The following HSD17B12 variants were observed in gnomAD, a reference collection of about 807,000 sequenced individuals.
HSD17B12 encodes hydroxysteroid 17-beta dehydrogenase 12, also known as very-long-chain 3-oxoacyl-CoA reductase.
Under a neutral mutation model 39.3 loss-of-function variants are expected in HSD17B12, and 32 were observed. The observed-to-expected ratio is 0.81, with a 90% CI of 0.61 to 1.09. HSD17B12 has a LOEUF of 1.09. Among genes scored for constraint, HSD17B12 ranks in the 50% least tolerant of loss-of-function variants. The pLI, the probability that HSD17B12 is intolerant of heterozygous loss-of-function variation, is 0.00. For missense variants in HSD17B12, 342 were observed against 382.9 expected (o/e 0.89, Z 0.89); for synonymous variants, 150 against 146.7 (o/e 1.02, Z -0.16).
chr11:43,769,442 C>A (rs1222894324), intron 3 of HSD17B12, among the ~76,000 whole-genome samples: 1 of 152,150 alleles, frequency 6.6e-6, no homozygotes, highest in Non-Finnish European at 1.5e-5. Context: ...TATGAGGACA[C>A]TGAGACCTGG....
chr11:43,708,078 A>G (rs1408218541), intron 1 of HSD17B12, among the ~76,000 whole-genome samples: 2 of 152,200 alleles, frequency 1.3e-5, no homozygotes, highest in African/African-American at 4.8e-5. Context: ...ATACCATCAC[A>G]TTGGAGATTT....
the HSD17B12 span, among the ~76,000 whole-genome samples, chr11:43,643,125 A>G: frequency 6.6e-6 from 1 of 152,208 alleles, no homozygotes; most frequent in South Asian, 2.1e-4. Context: ...TTTGGATGTG[A>G]GAAAAATAGC....
intron 3 of HSD17B12, among the ~76,000 whole-genome samples, chr11:43,777,986 A>G (rs888025280): frequency 1.3e-5 from 2 of 152,214 alleles, no homozygotes; most frequent in Admixed American, 1.3e-4. Context: ...TTAAAATCAG[A>G]GCAGAACTGA....
chr11:43,636,369 C>A, the HSD17B12 span, among the ~76,000 whole-genome samples: 3 of 152,030 alleles, frequency 2.0e-5, no homozygotes, highest in Non-Finnish European at 4.4e-5. Context: ...AAAGGACAAG[C>A]GAATCCAGAG....
At chr11:43,791,482 A>C (rs1355169708) in intron 3 of HSD17B12, among the ~76,000 whole-genome samples, 1 of 151,978 alleles carries the variant, frequency 6.6e-6, no homozygotes, top group Non-Finnish European at 1.5e-5. Flanking sequence ...CAGTGAGCTG[A>C]GATCACACTA....
intron 1 of HSD17B12, among the ~76,000 whole-genome samples, chr11:43,719,995 A>G (rs1950162069): frequency 6.6e-6 from 1 of 152,240 alleles, no homozygotes; most frequent in Non-Finnish European, 1.5e-5. Flanking sequence ...CCTTTCCAGG[A>G]CAGAACTGTC....
intron 1 of HSD17B12, among the ~76,000 whole-genome samples, chr11:43,702,758 TG>T (rs1949976711): frequency 6.6e-6 from 1 of 152,228 alleles, no homozygotes; most frequent in South Asian, 2.1e-4. Context: ...GGCTTTGAAT[TG>T]TGGCCCAACA....
chr11:43,609,225 C>T, the HSD17B12 span, among the ~76,000 whole-genome samples: 107 of 151,774 alleles, frequency 7.0e-4, no homozygotes, highest in African/African-American at 2.5e-3. Flanking sequence ...CAGGCATGAG[C>T]CACCACACCC....
At chr11:43,621,417 A>G in the HSD17B12 span, among the ~76,000 whole-genome samples, 7 of 152,258 alleles carry the variant, frequency 4.6e-5, no homozygotes, top group African/African-American at 1.7e-4. Context: ...TATATCCCTT[A>G]TAAAGAAATA....
chr11:43,582,894 A>G, the HSD17B12 span, among the ~76,000 whole-genome samples: 1 of 152,214 alleles, frequency 6.6e-6, no homozygotes, highest in Non-Finnish European at 1.5e-5. Flanking sequence ...CTAAAAGAGT[A>G]AAAAGGTTCC....
chr11:43,810,755 T>C (rs900508672), intron 4 of HSD17B12, among the ~76,000 whole-genome samples: 3 of 152,178 alleles, frequency 2.0e-5, no homozygotes, highest in Non-Finnish European at 2.9e-5. Flanking sequence ...GGGAATTCCA[T>C]GATGACATAG....
Position 43,855,448 on chromosome 11 carries a change from T to A in HSD17B12, c.*200T>A. On this transcript the variant is annotated 3_prime_UTR_variant, in exon 11 of 11. Transcript: ENST00000278353. ...ATTCTGGATACTATCCGAGGTAATT[T>A]TGAAGTTTAATATAAATGCTCATAT... 2.9e-6 allele frequency: 1 copy of A among 345,334 alleles called. No individual in the cohort carries two copies. The highest frequency in any genetic ancestry group is 5.2e-6 in the Non-Finnish European group (1 of 192,106). The allele number at this position is 345,334 out of a possible 1,614,324, so 21.4% of individuals were successfully genotyped here.
the HSD17B12 span, among the ~76,000 whole-genome samples, chr11:43,647,027 G>A: frequency 6.6e-6 from 1 of 152,102 alleles, no homozygotes; most frequent in Non-Finnish European, 1.5e-5. Flanking sequence ...AACACCAAAG[G>A]GTAACTTTCT....
intron 1 of HSD17B12, among the ~76,000 whole-genome samples, chr11:43,721,923 G>A (rs908428019): frequency 8.5e-5 from 13 of 152,324 alleles, no homozygotes; most frequent in Non-Finnish European, 1.0e-4. Flanking sequence ...AAGGGTGGAA[G>A]TAGGATGTTG....
chr11:43,670,981 G>T, the HSD17B12 span, among the ~76,000 whole-genome samples: 1 of 151,998 alleles, frequency 6.6e-6, no homozygotes, highest in Non-Finnish European at 1.5e-5. Flanking sequence ...GAAAAAAAAA[G>T]TGTGGGTAAA....
intron 6 of HSD17B12, among the ~76,000 whole-genome samples, chr11:43,823,659 C>T (rs1951204155): frequency 1.3e-5 from 2 of 152,124 alleles, no homozygotes; most frequent in African/African-American, 4.8e-5. Context: ...ATGTCCTTTT[C>T]CTTTCCTGCT....
the HSD17B12 span, chr11:43,581,525 C>T: frequency 2.2e-6 from 1 of 460,128 alleles, no homozygotes; most frequent in East Asian, 6.5e-5. This position sits in a 1 kb window ranked among gnomAD's most constrained non-coding sequence, Gnocchi z 4.9. Flanking sequence ...ATCGCCGAAG[C>T]CCGCACCTTC....
At chr11:43,641,520 AT>A in the HSD17B12 span, among the ~76,000 whole-genome samples, 1 of 151,972 alleles carries the variant, frequency 6.6e-6, no homozygotes. Context: ...GTTAATTAAG[AT>A]TTGTGCAGTA....
At position 43,680,750 on chromosome 11, in the gene HSD17B12, G is replaced by C; in HGVS notation, c.-78G>C. 2 of 1,347,080 alleles carry C rather than the reference G, an allele frequency of 1.5e-6. No homozygotes were observed. Among genetic ancestry groups the C allele is most frequent in the East Asian group, 2.3e-5 (1 of 43,086 alleles). The allele number at this position is 1,347,080 out of a possible 1,614,324, so 83.4% of individuals were successfully genotyped here. On this transcript the variant is annotated 5_prime_UTR_variant, in exon 1 of 11. Transcript: ENST00000278353. ...AGCGCCTATTAGTGTCATCCTCACC[G>C]TCACGGCCGGCGCCTCCTCCTGGAT...
Sources: gnomAD v4.1 joint callset for allele counts (sites outside exome capture counted in the v4.1 genomes callset) on GRCh38, gnomAD v4.1.1 for gene constraint, Gnocchi (gnomAD v3.1) non-coding constraint, MANE v1.5 for transcripts, NCBI Gene and HGNC (gene_info 2026-07-23, HGNC 2026-07-21) for gene names.